ANO10: variants seen among roughly 807,000 people sequenced by gnomAD.
ANO10 encodes anoctamin 10.
Under a neutral mutation model 74.7 loss-of-function variants are expected in ANO10, and 77 were observed. The ratio of observed to expected loss-of-function variants is 1.03; its 90% CI spans 0.86 to 1.25. ANO10 has a LOEUF of 1.25. Among genes scored for constraint, ANO10 ranks in the 50% most tolerant of loss-of-function variants. ANO10 has a pLI of 0.00. For missense variants in ANO10, 721 were observed against 778.1 expected (o/e 0.93, Z 0.87); for synonymous variants, 279 against 284.9 (o/e 0.98, Z 0.21).
intron 1 of ANO10, among the ~76,000 whole-genome samples, chr3:43,642,757 T>C (rs1233674111): frequency 6.6e-6 from 1 of 152,072 alleles, no homozygotes; most frequent in Non-Finnish European, 1.5e-5. Context: ...TTATTCCTCC[T>C]TTTTCCCCCT....
At chr3:43,565,976 G>A (rs974039256) in intron 7 of ANO10, among the ~76,000 whole-genome samples, 13 of 152,086 alleles carry the variant, frequency 8.5e-5, no homozygotes, top group African/African-American at 9.7e-5. Context: ...CAGTGGGTGC[G>A]CGCACCGTGT....
intron 2 of ANO10, among the ~76,000 whole-genome samples, chr3:43,601,242 A>G (rs1347064086): frequency 6.6e-6 from 1 of 152,144 alleles, no homozygotes; most frequent in Non-Finnish European, 1.5e-5. Context: ...GTCTCACTCT[A>G]TTGCCCAGGT....
intron 7 of ANO10, among the ~76,000 whole-genome samples, chr3:43,566,615 A>C (rs2080364971): frequency 6.6e-6 from 1 of 152,210 alleles, no homozygotes; most frequent in Non-Finnish European, 1.5e-5. Context: ...ACAGACCTGA[A>C]GCTGAGGGTC....
intron 11 of ANO10, among the ~76,000 whole-genome samples, chr3:43,547,515 GCTT>G (rs2079252087): frequency 6.6e-6 from 1 of 152,080 alleles, no homozygotes; most frequent in African/African-American, 2.4e-5. Context: ...CTTCCTTGAT[GCTT>G]CTTACTTTGC....
intron 1 of ANO10, chr3:43,636,300 G>A (rs183662384): frequency 6.6e-6 from 1 of 152,418 alleles, no homozygotes; most frequent in East Asian, 1.9e-4. Flanking sequence ...CTGGCCAAGG[G>A]AGGTTAATTT....
At chr3:43,548,665 A>G (rs2079309384) in intron 11 of ANO10, among the ~76,000 whole-genome samples, 1 of 152,226 alleles carries the variant, frequency 6.6e-6, no homozygotes, top group African/African-American at 2.4e-5. Flanking sequence ...AACACCATTC[A>G]GGATCCTCCT....
At chr3:43,479,426 C>T (rs922376187) in intron 11 of ANO10, among the ~76,000 whole-genome samples, 27 of 151,904 alleles carry the variant, frequency 1.8e-4, no homozygotes, top group African/African-American at 6.3e-4. Context: ...ATCTAAAGTT[C>T]AATAATCTAT....
chr3:43,677,257 G>C (rs1238958830), intron 1 of ANO10, among the ~76,000 whole-genome samples: 1 of 152,124 alleles, frequency 6.6e-6, no homozygotes, highest in African/African-American at 2.4e-5. Flanking sequence ...ACCAAATACT[G>C]CATGTTCCCA....
chr3:43,568,333 A>G (rs1308432393), intron 7 of ANO10, among the ~76,000 whole-genome samples: 1 of 152,208 alleles, frequency 6.6e-6, no homozygotes, highest in African/African-American at 2.4e-5. Context: ...CACCAAGTGG[A>G]CCTAATAGAC....
chr3:43,588,161 C>T (rs1428455665), intron 4 of ANO10, among the ~76,000 whole-genome samples: 3 of 152,068 alleles, frequency 2.0e-5, no homozygotes, highest in Non-Finnish European at 4.4e-5. Context: ...AAACTTCATC[C>T]AGAACTTGTA....
intron 1 of ANO10, among the ~76,000 whole-genome samples, chr3:43,672,672 C>G (rs988249908): frequency 6.6e-6 from 1 of 152,198 alleles, no homozygotes; most frequent in African/African-American, 2.4e-5. Context: ...GCACCTTCAT[C>G]AAGTTATTAC....
chr3:43,629,621 T>C (rs940371592), intron 1 of ANO10, among the ~76,000 whole-genome samples: 3 of 152,180 alleles, frequency 2.0e-5, no homozygotes, highest in Non-Finnish European at 4.4e-5. Flanking sequence ...GTGGTAGCAG[T>C]GGAACTGATG....
intron 4 of ANO10, among the ~76,000 whole-genome samples, chr3:43,584,799 A>T (rs1473107000): frequency 1.3e-5 from 2 of 152,194 alleles, no homozygotes; most frequent in Non-Finnish European, 2.9e-5. Flanking sequence ...CATTACAGCA[A>T]GCAGCAAGCA....
chr3:43,663,678 G>A (rs1370495176), intron 1 of ANO10, among the ~76,000 whole-genome samples: 3 of 152,146 alleles, frequency 2.0e-5, no homozygotes, highest in Non-Finnish European at 4.4e-5. Context: ...AAGCTGATAA[G>A]CAACTTCAGC....
chr3:43,565,830 A>G (rs1462136327), intron 7 of ANO10, 103 bp from the exon 8 acceptor site: 4 of 1,282,180 alleles, frequency 3.1e-6, no homozygotes, highest in Non-Finnish European at 4.4e-6. Context: ...AGCGGGGAGG[A>G]GCCAAGAGGG....
At position 43,600,609 on chromosome 3, in the gene ANO10, T is replaced by A. The variant is rs749213418; in HGVS notation, c.140-28A>T. On this transcript the variant is annotated intron_variant, in intron 2 of 12. Transcript: ENST00000292246. ...TCAAAAACAAAAGATAAGCACAATCTTAGACAAACATAAAAGTTTCAAAAC... is the reference window on the plus strand; with the variant it reads ...TCAAAAACAAAAGATAAGCACAATCATAGACAAACATAAAAGTTTCAAAAC... The A allele has an allele frequency of 4.5e-6, 7 of 1,550,870 alleles. No individual in the cohort carries two copies. In the Admixed American group the frequency reaches 1.2e-4, roughly 26 times the overall value.
At chr3:43,399,103 T>A (rs1375466208) in intron 12 of ANO10, among the ~76,000 whole-genome samples, 1 of 152,232 alleles carries the variant, frequency 6.6e-6, no homozygotes, top group Non-Finnish European at 1.5e-5. Flanking sequence ...GCTGGGATTA[T>A]AGGCGTAAGC....
chr3:43,532,135 A>G (rs1300979048), intron 11 of ANO10, among the ~76,000 whole-genome samples: 2 of 152,206 alleles, frequency 1.3e-5, no homozygotes, highest in Non-Finnish European at 2.9e-5. Flanking sequence ...ATATTCCCCT[A>G]AAGCTCTTAG....
chr3:43,661,861 C>A (rs753633729), intron 1 of ANO10, among the ~76,000 whole-genome samples: 5 of 152,164 alleles, frequency 3.3e-5, no homozygotes, highest in Non-Finnish European at 7.3e-5. Context: ...GCTAACTATC[C>A]TAAATATATA....
Sources: allele counts gnomAD v4.1 joint callset (sites outside exome capture counted in the v4.1 genomes callset), GRCh38; gene constraint gnomAD v4.1.1; transcripts MANE v1.5; gene names NCBI Gene and HGNC (gene_info 2026-07-23, HGNC 2026-07-21).